The following RGS6 variants were observed in gnomAD, a reference collection of about 807,000 sequenced individuals.
The protein encoded by RGS6 is regulator of G-protein signaling 6.
A neutral mutation model predicts 78.5 loss-of-function variants in RGS6; 30 were observed. The ratio of observed to expected loss-of-function variants is 0.38; its 90% CI spans 0.29 to 0.52. The LOEUF is 0.52. Among genes scored for constraint, RGS6 ranks in the 20% least tolerant of loss-of-function variants. The pLI is 0.85. For synonymous variants in RGS6, 206 were observed against 206.0 expected (o/e 1.00, Z 0.00); for missense variants, 495 against 609.7 (o/e 0.81, Z 1.98).
At chr14:72,227,940 G>A (rs1301687324) in intron 2 of RGS6, among the ~76,000 whole-genome samples, 1 of 152,152 alleles carries the variant, frequency 6.6e-6, no homozygotes, top group Non-Finnish European at 1.5e-5. Context: ...AATGTCCTGG[G>A]ATTGGAGAAC....
intron 3 of RGS6, among the ~76,000 whole-genome samples, chr14:72,443,652 A>G (rs1335573987): frequency 6.6e-6 from 1 of 152,234 alleles, no homozygotes; most frequent in African/African-American, 2.4e-5. Context: ...GCACAAATGA[A>G]GTGACCGTTA....
At chr14:71,989,764 A>G (rs2094876679) in intron 2 of RGS6, among the ~76,000 whole-genome samples, 1 of 152,076 alleles carries the variant, frequency 6.6e-6, no homozygotes, top group African/African-American at 2.4e-5. Context: ...TCCTCAGTGA[A>G]CCTCAGGTCA....
At chr14:72,330,384 C>T (rs551010223) in intron 2 of RGS6, among the ~76,000 whole-genome samples, 4 of 152,338 alleles carry the variant, frequency 2.6e-5, no homozygotes, top group Non-Finnish European at 4.4e-5. Context: ...GACCTCACTG[C>T]ACCCTTCAGC....
rs2097698059 is a variant in RGS6 at position 72,563,899 on chromosome 14, A to G, written c.*1432A>G. The stretch of plus-strand genomic sequence containing the variant: ...CTTTGATCTATTTTTGGTCATAGGT[A>G]AAAAAAAAAATCTCTCTTGGGAGCA... On this transcript the variant is annotated 3_prime_UTR_variant, in exon 18 of 18. Coordinates refer to ENST00000553525, the MANE Select transcript of RGS6 (RefSeq NM_001204424.2). The G allele has an allele frequency of 7.8e-6, 1 of 128,444 alleles. No individual in the cohort carries two copies. The highest frequency in any genetic ancestry group is 1.6e-5 in the Non-Finnish European group (1 of 62,164). The allele number at this position is 128,444 out of a possible 1,614,324, so 8.0% of individuals were successfully genotyped here.
chr14:71,883,539 G>T, the RGS6 span, among the ~76,000 whole-genome samples: 1 of 152,196 alleles, frequency 6.6e-6, no homozygotes, highest in African/African-American at 2.4e-5. Context: ...TCCATCTTGA[G>T]TAGGGGCTGT....
chr14:71,911,962 C>T, the RGS6 span, among the ~76,000 whole-genome samples: 1 of 152,164 alleles, frequency 6.6e-6, no homozygotes, highest in Non-Finnish European at 1.5e-5. Flanking sequence ...GCTTACGTCC[C>T]ATATTCACTT....
At chr14:71,921,704 G>A in the RGS6 span, among the ~76,000 whole-genome samples, 1 of 152,158 alleles carries the variant, frequency 6.6e-6, no homozygotes, top group Non-Finnish European at 1.5e-5. Flanking sequence ...CCAGAGGGTG[G>A]GGAGATGGGA....
At chr14:72,550,701 C>A (rs2097493187) in intron 17 of RGS6, 1 of 1,410,656 alleles carries the variant, frequency 7.1e-7, no homozygotes, top group Non-Finnish European at 9.3e-7. Flanking sequence ...TCATCACAAT[C>A]CGGTGGTTTT....
intron 2 of RGS6, among the ~76,000 whole-genome samples, chr14:72,037,822 TAA>T (rs60844625): frequency 0.13 from 19,742 of 152,144 alleles, 1,317 homozygotes; most frequent in East Asian, 0.17. Flanking sequence ...TTACACACTT[TAA>T]GTCAGTGAAT....
chr14:72,417,823 G>C (rs1156688067), intron 3 of RGS6, among the ~76,000 whole-genome samples: 1 of 152,074 alleles, frequency 6.6e-6, no homozygotes, highest in Non-Finnish European at 1.5e-5. Flanking sequence ...ATTCTTCTTT[G>C]CCCCACTGGT....
intron 2 of RGS6, among the ~76,000 whole-genome samples, chr14:72,008,289 AC>A (rs1468115240): frequency 6.6e-6 from 1 of 152,090 alleles, no homozygotes; most frequent in East Asian, 1.9e-4. Flanking sequence ...AAGAAGAACC[AC>A]ATTCAATTGT....
intron 14 of RGS6, chr14:72,513,851 G>A (rs929574451): frequency 3.9e-5 from 6 of 152,242 alleles, no homozygotes; most frequent in Non-Finnish European, 7.3e-5. Context: ...CCTGAGAGAA[G>A]GTAGTTGTTC....
chr14:71,953,098 G>C (rs2092477952), intron 1 of RGS6, among the ~76,000 whole-genome samples: 1 of 152,104 alleles, frequency 6.6e-6, no homozygotes, highest in African/African-American at 2.4e-5. Flanking sequence ...TATAATCTTG[G>C]AACCCATACT....
intron 17 of RGS6, among the ~76,000 whole-genome samples, chr14:72,556,211 T>TGAC (rs1326032277): frequency 6.6e-6 from 1 of 152,238 alleles, no homozygotes; most frequent in Non-Finnish European, 1.5e-5. Flanking sequence ...GAGGTTTAAT[T>TGAC]GACTCACAGT....
At chr14:72,057,466 C>T (rs1278249505) in intron 2 of RGS6, among the ~76,000 whole-genome samples, 3 of 151,958 alleles carry the variant, frequency 2.0e-5, no homozygotes, top group Non-Finnish European at 4.4e-5. Flanking sequence ...TTACTCTTCC[C>T]ATCTGGGTAT....
Position 72,297,425 on chromosome 14 carries a change from TA to T in RGS6, c.85-54669del, listed in dbSNP as rs1190601035. 4.7e-4 allele frequency among the ~76,000 whole-genome samples: 67 copies of T among 143,682 alleles called. 1 individual carries two copies. The East Asian group carries it at 6.7e-3, about 14-fold the overall frequency. The allele number at this position is 143,682 out of a possible 152,430, so 94.3% of individuals were successfully genotyped here. A position where few individuals can be genotyped will look rare whatever the true frequency, so the allele number is the denominator to read the frequency against. On this transcript the variant is annotated intron_variant, in intron 2 of 17. Coordinates refer to ENST00000553525, the MANE Select transcript of RGS6 (RefSeq NM_001204424.2). ...TAAACATGGTATATATTATTATTAT[TA>T]TTATTTTTTTTTTATACTTTAAGTT...
intron 2 of RGS6, among the ~76,000 whole-genome samples, chr14:72,074,715 A>G (rs957483562): frequency 2.0e-4 from 30 of 151,834 alleles, no homozygotes; most frequent in African/African-American, 7.3e-4. Flanking sequence ...TTTCTATCCT[A>G]TCTCATATGC....
chr14:72,001,077 T>C (rs1231124615), intron 2 of RGS6, among the ~76,000 whole-genome samples: 3 of 152,216 alleles, frequency 2.0e-5, no homozygotes, highest in Non-Finnish European at 4.4e-5. Context: ...GTTGTTTGTG[T>C]CTGACTCCAC....
intron 2 of RGS6, among the ~76,000 whole-genome samples, chr14:72,197,383 G>C (rs934908579): frequency 1.3e-5 from 2 of 151,982 alleles, no homozygotes. Flanking sequence ...TTCTAGTTAA[G>C]TTCATATACC....
Sources: gnomAD v4.1 joint callset for allele counts (sites outside exome capture counted in the v4.1 genomes callset) on GRCh38, gnomAD v4.1.1 for gene constraint, MANE v1.5 for transcripts, NCBI Gene and HGNC (gene_info 2026-07-23, HGNC 2026-07-21) for gene names.